The following ZDHHC11 variants were observed in gnomAD, a reference collection of about 807,000 sequenced individuals.
The protein encoded by ZDHHC11 is zDHHC palmitoyltransferase 11, also known as palmitoyltransferase ZDHHC11.
In ZDHHC11, 44 loss-of-function variants were observed where a neutral mutation model predicts 51.3. That is an observed-to-expected ratio of 0.86 (90% CI 0.67 to 1.10). The LOEUF (loss-of-function observed/expected upper bound fraction) is 1.10. Ranked by LOEUF, ZDHHC11 falls within the 50% of genes least tolerant of loss-of-function variation. The pLI, the probability that ZDHHC11 is intolerant of heterozygous loss-of-function variation, is 0.00. For missense variants in ZDHHC11, 400 were observed against 537.7 expected (o/e 0.74, Z 2.53); for synonymous variants, 163 against 222.0 (o/e 0.73, Z 2.36).
At chr5:829,043 G>C (rs1742715346) in intron 7 of ZDHHC11, among the ~76,000 whole-genome samples, 1 of 132,524 alleles carries the variant, frequency 7.5e-6, no homozygotes, top group Non-Finnish European at 1.6e-5. Flanking sequence ...ACATCAAAAA[G>C]ACTGAAAGAG....
chr5:816,586 C>T (rs1579601477), intron 10 of ZDHHC11: 9 of 619,808 alleles, frequency 1.5e-5, no homozygotes, highest in East Asian at 1.1e-4. Flanking sequence ...GTCTAATTGA[C>T]GGTCACCTCA....
At chr5:833,899 T>C (rs1430542751) in intron 6 of ZDHHC11, 92 bp from the exon 7 acceptor site, 3 of 1,495,562 alleles carry the variant, frequency 2.0e-6, no homozygotes, top group East Asian at 2.2e-5. Context: ...TATTCCTGGG[T>C]TTTGAGGAAT....
At chr5:852,677 C>T (rs1279474133), upstream of ZDHHC11, among the ~76,000 whole-genome samples, 3 of 135,714 alleles carry the variant, frequency 2.2e-5, no homozygotes, top group Non-Finnish European at 4.8e-5. Context: ...GACAGCGAGC[C>T]GGGGGGACAG....
intron 7 of ZDHHC11, among the ~76,000 whole-genome samples, chr5:825,508 C>T (rs111955991): frequency 0.015 from 2,321 of 151,264 alleles, 3 homozygotes; most frequent in African/African-American, 0.053. Flanking sequence ...CTCCACCCAC[C>T]GTGTGAGACC....
chr5:803,090 G>A (rs1324956540), intron 11 of ZDHHC11, among the ~76,000 whole-genome samples: 8 of 150,912 alleles, frequency 5.3e-5, no homozygotes, highest in East Asian at 1.9e-4. Context: ...GCCAGCTACC[G>A]CCTCGATTTC....
upstream of ZDHHC11, among the ~76,000 whole-genome samples, chr5:855,471 G>A (rs1252992397): frequency 6.9e-6 from 1 of 144,536 alleles, no homozygotes; most frequent in African/African-American, 2.6e-5. Flanking sequence ...AGAGGACAGT[G>A]AGCAGCGGGG....
chr5:851,255 C>G (rs1318558437), upstream of ZDHHC11, among the ~76,000 whole-genome samples: 1 of 152,008 alleles, frequency 6.6e-6, no homozygotes, highest in Non-Finnish European at 1.5e-5. Context: ...CGTCCAGCCA[C>G]GCGGGGCTGG....
chr5:801,101 T>G lies in ZDHHC11; in HGVS notation c.*6A>C, dbSNP rs750620386. ...GACCCGCACTGCCACGTATCTTACC[T>G]GAATCTCAGTCTTCACTTTCAGCAC... On this transcript the variant is annotated splice_region_variant and 3_prime_UTR_variant, in exon 12 of 13. Coordinates refer to ENST00000283441, the MANE Select transcript of ZDHHC11 (RefSeq NM_024786.3). The G allele has an allele frequency of 1.4e-5, 23 of 1,605,354 alleles. No homozygotes were observed. Among genetic ancestry groups the G allele is most frequent in the South Asian group, 4.4e-5 (4 of 90,846 alleles).
At chr5:805,522 G>A (rs1739117784) in intron 11 of ZDHHC11, among the ~76,000 whole-genome samples, 1 of 150,850 alleles carries the variant, frequency 6.6e-6, no homozygotes, top group Non-Finnish European at 1.5e-5. Context: ...AAGATAATTA[G>A]AAAATGTACA....
chr5:819,677 G>T, intron 9 of ZDHHC11, 65 bp from the exon 10 acceptor site: 1 of 1,516,226 alleles, frequency 6.6e-7, no homozygotes. Context: ...GATGGCACTG[G>T]AGGCTACAGT....
rs1737863718 is a variant in ZDHHC11 at position 798,205 on chromosome 5, CA to C, written c.*8-1626del. Reference sequence around the variant, plus strand: ...TGGCTGTGCTCTCAGCTTGATCTTCCATTTGTATCTCTTGAAAAGGTGAAAA... The same window carrying C: ...TGGCTGTGCTCTCAGCTTGATCTTCCTTTGTATCTCTTGAAAAGGTGAAAA... On this transcript the variant is annotated intron_variant, in intron 12 of 12. Coordinates refer to ENST00000283441, the MANE Select transcript of ZDHHC11 (RefSeq NM_024786.3). 1.1e-4 allele frequency among the ~76,000 whole-genome samples: 16 copies of C among 151,142 alleles called. No homozygotes were observed. In the South Asian group the frequency reaches 3.1e-3, roughly 30 times the overall value.
upstream of ZDHHC11, among the ~76,000 whole-genome samples, chr5:859,537 C>A (rs1198843109): frequency 2.0e-5 from 3 of 152,170 alleles, no homozygotes. Context: ...CTAGGAGGAA[C>A]CGGGGGAGGG....
chr5:802,874 A>AAAAAAAG, intron 11 of ZDHHC11, among the ~76,000 whole-genome samples: 1 of 96,326 alleles, frequency 1.0e-5, no homozygotes, highest in East Asian at 2.9e-4. Context: ...AAAAAAAAAA[A>AAAAAAAG]GCTAAATGTG....
At chr5:815,338 G>A (rs1242090264) in intron 10 of ZDHHC11, among the ~76,000 whole-genome samples, 1 of 149,626 alleles carries the variant, frequency 6.7e-6, no homozygotes, top group Non-Finnish European at 1.5e-5. Flanking sequence ...GCTTGTGGAA[G>A]CTCTAGCAAA....
In ZDHHC11 at chr5:824,143, C is replaced by A. The variant is rs1489965542; in HGVS notation, c.1023+1021G>T. 3 of 451,050 alleles carry A rather than the reference C, an allele frequency of 6.7e-6. 1 individual carries two copies. Among genetic ancestry groups the A allele is most frequent in the South Asian group, 4.7e-5 (3 of 64,014 alleles). The allele number at this position is 451,050 out of a possible 1,614,324, so 27.9% of individuals were successfully genotyped here. A position where few individuals can be genotyped will look rare whatever the true frequency, so the allele number is the denominator to read the frequency against. The stretch of plus-strand genomic sequence containing the variant: ...CACCTGTAACCTCCAGAAGCTGGCC[C>A]CATGACAAAACCTGCTCAAAAGGAC... On this transcript the variant is annotated intron_variant, in intron 8 of 12. Transcript: ENST00000283441.
intron 7 of ZDHHC11, among the ~76,000 whole-genome samples, chr5:825,690 G>T (rs1742266660): frequency 6.6e-6 from 1 of 151,950 alleles, no homozygotes; most frequent in African/African-American, 2.4e-5. Flanking sequence ...AAGTCACAGG[G>T]CCTTTGGAAG....
At chr5:817,555 T>C (rs1740973379) in intron 10 of ZDHHC11, among the ~76,000 whole-genome samples, 1 of 151,454 alleles carries the variant, frequency 6.6e-6, no homozygotes, top group African/African-American at 2.4e-5. Context: ...TTTTGTGCTC[T>C]TAACCAATTT....
chr5:855,989 C>G, intron 1 of ZDHHC11, among the ~76,000 whole-genome samples: 1 of 151,920 alleles, frequency 6.6e-6, no homozygotes, highest in East Asian at 1.9e-4. Flanking sequence ...CCGCGGAGGA[C>G]AGCAAGCAAG....
chr5:804,779 C>T (rs1228474585), intron 11 of ZDHHC11, among the ~76,000 whole-genome samples: 2 of 151,186 alleles, frequency 1.3e-5, no homozygotes, highest in Admixed American at 1.3e-4. Context: ...CAGAATAAAG[C>T]AATAACTAAG....
Sources: gnomAD v4.1 joint callset for allele counts (sites outside exome capture counted in the v4.1 genomes callset) on GRCh38, gnomAD v4.1.1 for gene constraint, MANE v1.5 for transcripts, NCBI Gene and HGNC (gene_info 2026-07-23, HGNC 2026-07-21) for gene names.